The following YARS1 variants were observed in gnomAD, a reference collection of about 807,000 sequenced individuals.
YARS1 encodes tyrosyl-tRNA synthetase 1, also known as tyrosine--tRNA ligase, cytoplasmic.
Under a neutral mutation model 62.2 loss-of-function variants are expected in YARS1, and 36 were observed. The observed-to-expected ratio is 0.58, with a 90% CI of 0.44 to 0.76. The LOEUF is 0.76. Ranked by LOEUF, YARS1 falls within the 30% of genes least tolerant of loss-of-function variation. YARS1 has a pLI of 0.00. For synonymous variants in YARS1, 234 were observed against 244.9 expected, an observed-to-expected ratio of 0.96 and a Z score of 0.42; for missense variants, 524 against 639.8, an observed-to-expected ratio of 0.82 and a Z score of 1.95.
intron 10 of YARS1, 167 bp from the exon 11 acceptor site, chr1:32,780,445 G>T: frequency 1.4e-6 from 1 of 734,542 alleles, no homozygotes. Context: ...AGGAGAATGG[G>T]CTCTGATGGT....
At chr1:32,796,963 CTCAAA>C (rs1380847211) in intron 5 of YARS1, among the ~76,000 whole-genome samples, 8 of 7,584 alleles carry the variant, frequency 1.1e-3, no homozygotes, top group South Asian at 8.1e-3. Context: ...GAAACTCAGT[CTCAAA>C]AAAAAAAAAA....
chr1:32,802,034 G>A (rs1638314645), intron 4 of YARS1, among the ~76,000 whole-genome samples: 1 of 135,276 alleles, frequency 7.4e-6, no homozygotes, highest in Non-Finnish European at 1.5e-5. Context: ...TGCAAGCTCC[G>A]CCTCCCGGGT....
intron 1 of YARS1, among the ~76,000 whole-genome samples, chr1:32,815,907 A>G (rs1638708582): frequency 6.6e-6 from 1 of 152,140 alleles, no homozygotes; most frequent in African/African-American, 2.4e-5. Flanking sequence ...CAGGAGATCG[A>G]GACCACCCTG....
Position 32,779,383 on chromosome 1 carries a change from T to C in YARS1, c.1475A>G (p.Gln492Arg). ...KPKKKVFEKL[Q>R]ADFKISEECI... ...AAGGGAACAATTACAGCTTTTTACC[T>C]GCAACTTCTCGAAGACTTTCTTCTT... The change falls in exon 12 of 13, where the codon CAG becomes CGG. Residue 492 changes from glutamine to arginine, a missense_variant and splice_region_variant. Gln to Arg is a conservative substitution (Grantham distance 43). Transcript: ENST00000373477. The C allele has an allele frequency of 6.2e-7, 1 of 1,614,260 alleles. No homozygotes were observed. The highest frequency in any genetic ancestry group is 8.5e-7 in the Non-Finnish European group (1 of 1,180,046).
intron 12 of YARS1, among the ~76,000 whole-genome samples, chr1:32,777,983 C>T (rs1303281604): frequency 6.6e-6 from 1 of 151,508 alleles, no homozygotes; most frequent in African/African-American, 2.4e-5. Context: ...ATTTTATAGC[C>T]AGAAAAAAAG....
chr1:32,788,777 G>A (rs1039842407), intron 6 of YARS1, among the ~76,000 whole-genome samples: 1 of 151,942 alleles, frequency 6.6e-6, no homozygotes, highest in Non-Finnish European at 1.5e-5. Flanking sequence ...GTGTTGCCCA[G>A]GACAATCTCA....
intron 4 of YARS1, among the ~76,000 whole-genome samples, chr1:32,804,342 C>CCCGGACGGGGTGGCTGG (rs1479782021): frequency 1.3e-5 from 2 of 149,966 alleles, no homozygotes; most frequent in Non-Finnish European, 3.0e-5. Flanking sequence ...CAACCTCCCT[C>CCCGGACGGGGTGGCTGG]CCGGACGGGG....
intron 4 of YARS1, among the ~76,000 whole-genome samples, chr1:32,804,230 G>A (rs1401945117): frequency 2.6e-5 from 4 of 152,238 alleles, no homozygotes; most frequent in African/African-American, 9.6e-5. Flanking sequence ...CGTCATCATG[G>A]CCCGTTCTCA....
rs755793167 is a variant in YARS1, at chr1:32,787,093, G to C, written c.685-18C>G. The stretch of plus-strand genomic sequence containing the variant: ...TTGGACTCCTAGAAGTCATAGAACG[G>C]AAGAGGACCTCTTGTGGTTGAAAAT... On this transcript the variant is annotated intron_variant, in intron 6 of 12. Coordinates refer to ENST00000373477, the MANE Select transcript of YARS1 (RefSeq NM_003680.4). 3 of 1,613,892 alleles carry C rather than the reference G, an allele frequency of 1.9e-6. No individual in the cohort carries two copies. Among genetic ancestry groups the C allele is most frequent in the East Asian group, 2.2e-5 (1 of 44,888 alleles).
rs565990536 is a variant in YARS1 at position 32,803,130 on chromosome 1, G to A, written c.510+3352C>T. Among the ~76,000 whole-genome samples the A allele has an allele frequency of 4.5e-4, 69 of 151,832 alleles. No homozygotes were observed. In the East Asian group the frequency reaches 5.6e-3, roughly 12 times the overall value. ...CCTGAGTAGCTGGGACTACAGTTGC[G>A]CACCACCATGCCCGGCTAATTAATA... On this transcript the variant is annotated intron_variant, in intron 4 of 12. Coordinates refer to ENST00000373477, the MANE Select transcript of YARS1 (RefSeq NM_003680.4).
At chr1:32,806,276 C>T (rs1638464636) in intron 4 of YARS1, among the ~76,000 whole-genome samples, 1 of 152,134 alleles carries the variant, frequency 6.6e-6, no homozygotes, top group Non-Finnish European at 1.5e-5. Context: ...TGAGAATTAC[C>T]AAAATGTAGC....
At chr1:32,813,704 G>T (rs541730032) in intron 1 of YARS1, among the ~76,000 whole-genome samples, 1 of 151,942 alleles carries the variant, frequency 6.6e-6, no homozygotes, top group East Asian at 1.9e-4. Flanking sequence ...TCTTCTTTTG[G>T]GCTCCATTTC....
At chr1:32,804,210 A>G (rs1426677922) in intron 4 of YARS1, among the ~76,000 whole-genome samples, 1 of 152,230 alleles carries the variant, frequency 6.6e-6, no homozygotes, top group Non-Finnish European at 1.5e-5. Flanking sequence ...CTATTCGACA[A>G]AACCGCCATC....
rs1449760754 is a variant in YARS1, at chr1:32,797,151, T to G, written c.591+612A>C. 2.0e-5 allele frequency among the ~76,000 whole-genome samples: 3 copies of G among 148,698 alleles called. No individual in the cohort carries two copies. The East Asian group carries it at 5.9e-4, about 29-fold the overall frequency. On this transcript the variant is annotated intron_variant, in intron 5 of 12. Transcript: ENST00000373477. ...CTTTGGGAGGCCAAGGCAGGAAGAC[T>G]GCTTGAGCCCAGGGGTTTGAGACCT...
In YARS1 at chr1:32,776,473, G is replaced by A. The variant is rs866519352; in HGVS notation, c.1477-382C>T. 1.7e-4 allele frequency among the ~76,000 whole-genome samples: 26 copies of A among 152,146 alleles called. No individual in the cohort carries two copies. The highest frequency in any genetic ancestry group is 5.8e-4 in the East Asian group (3 of 5,184). On this transcript the variant is annotated intron_variant, in intron 12 of 12. Coordinates refer to ENST00000373477, the MANE Select transcript of YARS1 (RefSeq NM_003680.4). This position sits in a 1 kb window ranked among gnomAD's most constrained non-coding sequence, Gnocchi z 4.0. ...GAAAACTCTCTTATATACCAGTAGG[G>A]TAAGGTAAGCTGGCTCAGCTTTTCT... is the stretch of plus-strand genomic sequence containing the variant.
At chr1:32,807,004 T>G (rs191178982) in intron 3 of YARS1, among the ~76,000 whole-genome samples, 1 of 152,176 alleles carries the variant, frequency 6.6e-6, no homozygotes. Flanking sequence ...AAACTAGGCA[T>G]GGAGCCCAGA....
intron 5 of YARS1, among the ~76,000 whole-genome samples, chr1:32,794,207 G>A (rs1029689570): frequency 1.9e-4 from 29 of 151,924 alleles, no homozygotes; most frequent in East Asian, 9.7e-4. Flanking sequence ...AAAATTAGCC[G>A]GGCGTGGTGG....
At chr1:32,786,255 C>G (rs1653222798) in intron 8 of YARS1, 107 bp downstream of exon 8, 1 of 1,099,974 alleles carries the variant, frequency 9.1e-7, no homozygotes, top group African/African-American at 1.6e-5. Context: ...AAATAGCAGG[C>G]AGCTCACTTT....
chr1:32,800,629 A>C (rs1489128135), intron 4 of YARS1, among the ~76,000 whole-genome samples: 1 of 151,728 alleles, frequency 6.6e-6, no homozygotes, highest in Non-Finnish European at 1.5e-5. Flanking sequence ...ACTGTCTGTC[A>C]CCCAGGCTGG....
Sources: gnomAD v4.1 joint callset for allele counts (sites outside exome capture counted in the v4.1 genomes callset) on GRCh38, gnomAD v4.1.1 for gene constraint, Gnocchi (gnomAD v3.1) non-coding constraint, MANE v1.5 for transcripts, NCBI Gene and HGNC (gene_info 2026-07-23, HGNC 2026-07-21) for gene names.